The following SCLT1 variants were observed in gnomAD, a reference collection of about 807,000 sequenced individuals.
SCLT1 encodes the protein sodium channel and clathrin linker 1.
SCLT1 carries 78 observed loss-of-function variants against 112.8 expected under a neutral mutation model. The ratio of observed to expected loss-of-function variants is 0.69; its 90% CI spans 0.58 to 0.83. The LOEUF (loss-of-function observed/expected upper bound fraction) is 0.83, where lower values mean the gene tolerates loss of function less well. Among genes scored for constraint, SCLT1 ranks in the 40% least tolerant of loss-of-function variants. SCLT1 has a pLI of 0.00. For missense variants in SCLT1, 747 were observed against 770.4 expected (o/e 0.97, Z 0.36); for synonymous variants, 257 against 254.7 (o/e 1.01, Z -0.09).
intron 5 of SCLT1, among the ~76,000 whole-genome samples, chr4:129,025,268 T>A (rs979700270): frequency 3.3e-5 from 5 of 151,842 alleles, no homozygotes; most frequent in African/African-American, 1.2e-4. Context: ...AAAGTGGAAA[T>A]GAAGGAAAAA....
At chr4:128,921,954 AAAAC>A (rs1174035947) in intron 18 of SCLT1, among the ~76,000 whole-genome samples, 5 of 152,326 alleles carry the variant, frequency 3.3e-5, no homozygotes, top group South Asian at 2.1e-4. Context: ...TTATAAGAAA[AAAAC>A]AAACAACCCC....
chr4:129,048,150 TA>T (rs1222594249), intron 2 of SCLT1, among the ~76,000 whole-genome samples: 1 of 151,384 alleles, frequency 6.6e-6, no homozygotes, highest in Non-Finnish European at 1.5e-5. Context: ...TTGATTTTTG[TA>T]AAAGGGCCCG....
intron 17 of SCLT1, among the ~76,000 whole-genome samples, chr4:128,940,161 C>T (rs911148725): frequency 2.0e-5 from 3 of 151,046 alleles, no homozygotes; most frequent in Non-Finnish European, 2.9e-5. Context: ...ATTCCATCCC[C>T]ACTCATTATA....
intron 2 of SCLT1, among the ~76,000 whole-genome samples, chr4:129,061,441 CA>C (rs140934202): frequency 0.02 from 3,014 of 152,152 alleles, 87 homozygotes; most frequent in African/African-American, 0.063. Flanking sequence ...TTGGGATAAG[CA>C]ACTCAGGTCT....
intron 14 of SCLT1, among the ~76,000 whole-genome samples, chr4:128,952,140 T>G (rs1465270629): frequency 6.6e-6 from 1 of 152,174 alleles, no homozygotes; most frequent in South Asian, 2.1e-4. Context: ...TAAAGCATGA[T>G]AGTTATTACA....
At chr4:129,011,881 C>A (rs893641793) in intron 5 of SCLT1, among the ~76,000 whole-genome samples, 1 of 151,928 alleles carries the variant, frequency 6.6e-6, no homozygotes, top group Non-Finnish European at 1.5e-5. Context: ...TCAGTGGTAA[C>A]ATCTCCTTGT....
chr4:129,079,757 A>C (rs1751775177), intron 2 of SCLT1, among the ~76,000 whole-genome samples: 1 of 152,140 alleles, frequency 6.6e-6, no homozygotes, highest in South Asian at 2.1e-4. Context: ...GGGGGCTCCA[A>C]CCCTACATTT....
chr4:129,092,413 T>C (rs1752925712), intron 1 of SCLT1, among the ~76,000 whole-genome samples: 1 of 152,268 alleles, frequency 6.6e-6, no homozygotes, highest in Admixed American at 6.5e-5. Context: ...ATATTTGTAC[T>C]GCACGTTTCA....
intron 7 of SCLT1, among the ~76,000 whole-genome samples, chr4:128,998,193 T>C (rs1433465760): frequency 1.3e-5 from 2 of 151,876 alleles, no homozygotes. Context: ...CTAGAAATCA[T>C]TTATTAAATA....
chr4:128,945,879 T>G, intron 16 of SCLT1, 128 bp downstream of exon 16: 1 of 518,542 alleles, frequency 1.9e-6, no homozygotes, highest in Non-Finnish European at 3.3e-6. Context: ...TTATATTTGG[T>G]CCTAATTGTT....
At chr4:128,983,470 A>G (rs886395856) in intron 9 of SCLT1, among the ~76,000 whole-genome samples, 2 of 152,222 alleles carry the variant, frequency 1.3e-5, no homozygotes, top group African/African-American at 4.8e-5. Context: ...ATCTGGTAGA[A>G]TGAATGAGAG....
At chr4:128,986,318 G>A (rs1335363255) in intron 9 of SCLT1, among the ~76,000 whole-genome samples, 7 of 152,308 alleles carry the variant, frequency 4.6e-5, no homozygotes, top group African/African-American at 1.7e-4. Flanking sequence ...CACCGTCCCA[G>A]TGGGAGAAAA....
intron 2 of SCLT1, among the ~76,000 whole-genome samples, chr4:129,080,601 G>A (rs1220560728): frequency 6.6e-6 from 1 of 152,164 alleles, no homozygotes; most frequent in Non-Finnish European, 1.5e-5. Context: ...ATCACTATGA[G>A]CATTTTGGTC....
At position 128,965,238 on chromosome 4, in the gene SCLT1, T is replaced by C. The variant is rs912620346; in HGVS notation, c.858A>G (p.Gln286=). The change falls in exon 11 of 21, where the codon CAA becomes CAG. Residue 286 remains glutamine (Q), a synonymous_variant. Transcript: ENST00000281142. ...ATTTAACAATTTACCTTATTTCTAA[T>C]TGTTTTATACTAGACTGTAACTGCT... ...RLQQLQSSIK[Q]LEIRLCVTIQ... is the part of the protein sequence containing the mutation. 1 of 1,577,302 alleles carries C rather than the reference T, an allele frequency of 6.3e-7. No individual in the cohort carries two copies. Among genetic ancestry groups the C allele is most frequent in the Non-Finnish European group, 8.7e-7 (1 of 1,148,460 alleles).
At chr4:129,004,202 C>G (rs1476285561) in intron 5 of SCLT1, among the ~76,000 whole-genome samples, 1 of 151,898 alleles carries the variant, frequency 6.6e-6, no homozygotes, top group Non-Finnish European at 1.5e-5. Context: ...ATAAAATAAG[C>G]CATTCAGAAA....
chr4:128,999,917 A>G, intron 6 of SCLT1, 123 bp from the exon 7 acceptor site: 1 of 511,652 alleles, frequency 2.0e-6, no homozygotes, highest in South Asian at 5.4e-5. Flanking sequence ...AGAACTGTGT[A>G]AAGATGGTAT....
At chr4:128,923,306 C>T (rs891398188) in intron 18 of SCLT1, among the ~76,000 whole-genome samples, 13 of 151,930 alleles carry the variant, frequency 8.6e-5, no homozygotes, top group South Asian at 2.1e-4. Context: ...TTTAGCTGGG[C>T]GTGGTGGCAC....
At chr4:129,066,423 A>T (rs1174296118) in intron 2 of SCLT1, among the ~76,000 whole-genome samples, 1 of 152,042 alleles carries the variant, frequency 6.6e-6, no homozygotes, top group African/African-American at 2.4e-5. Flanking sequence ...ATTACTACCA[A>T]ATGTTAAAAG....
Position 129,002,158 on chromosome 4 carries a change from G to A in SCLT1, c.426+1583C>T, listed in dbSNP as rs571752316. Among the ~76,000 whole-genome samples, 8 of 152,030 alleles carry A rather than the reference G, an allele frequency of 5.3e-5. No homozygotes were observed. The South Asian group carries it at 1.7e-3, about 32-fold the overall frequency. ...TTCAGATAATTATCAAATCAAAATT[G>A]TAATTTAGAATTTGTAGCCCCCATT... On this transcript the variant is annotated intron_variant, in intron 6 of 20. Transcript: ENST00000281142.
Sources: gnomAD v4.1 joint callset for allele counts (sites outside exome capture counted in the v4.1 genomes callset) on GRCh38, gnomAD v4.1.1 for gene constraint, MANE v1.5 for transcripts, NCBI Gene and HGNC (gene_info 2026-07-23, HGNC 2026-07-21) for gene names.